NT5DC3: variants seen among roughly 807,000 people sequenced by gnomAD.
The protein encoded by NT5DC3 is 5'-nucleotidase domain containing 3, also known as 5'-nucleotidase domain-containing protein 3.
Under a neutral mutation model 67.8 loss-of-function variants are expected in NT5DC3, and 42 were observed. The observed-to-expected ratio is 0.62, with a 90% CI of 0.48 to 0.80. The LOEUF (loss-of-function observed/expected upper bound fraction) is 0.80, where lower values mean the gene tolerates loss of function less well. NT5DC3 is among the 30% of genes least tolerant of loss of function. The pLI, the probability that NT5DC3 is intolerant of heterozygous loss-of-function variation, is 0.00. For missense variants in NT5DC3, 570 were observed against 696.4 expected (o/e 0.82, Z 2.04); for synonymous variants, 237 against 255.6 (o/e 0.93, Z 0.69).
At chr12:103,803,156 AC>A (rs1886655562) in intron 4 of NT5DC3, among the ~76,000 whole-genome samples, 1 of 152,198 alleles carries the variant, frequency 6.6e-6, no homozygotes, top group Non-Finnish European at 1.5e-5. Context: ...CCCCACCCTC[AC>A]CACTGCAACA....
intron 1 of NT5DC3, among the ~76,000 whole-genome samples, chr12:103,825,175 TCCGA>T (rs1887640296): frequency 6.6e-6 from 1 of 152,302 alleles, no homozygotes; most frequent in East Asian, 1.9e-4. Flanking sequence ...TTGCATCGTC[TCCGA>T]GGAGAAGCAA....
intron 1 of NT5DC3, among the ~76,000 whole-genome samples, chr12:103,831,132 C>T (rs1055982868): frequency 1.3e-5 from 2 of 152,160 alleles, no homozygotes; most frequent in Non-Finnish European, 2.9e-5. Flanking sequence ...ATCCCCATAA[C>T]CCCCATGTGT....
At chr12:103,792,254 T>C (rs192339594) in intron 9 of NT5DC3, among the ~76,000 whole-genome samples, 1 of 152,234 alleles carries the variant, frequency 6.6e-6, no homozygotes, top group Non-Finnish European at 1.5e-5. Flanking sequence ...CCAAGCATTT[T>C]TGAGTCCCTG....
chr12:103,772,535 C>T lies in NT5DC3; in HGVS notation c.*5294G>A, dbSNP rs1440351839. 1 of 152,214 alleles carries T rather than the reference C, an allele frequency of 6.6e-6. No homozygotes were observed. Among genetic ancestry groups the T allele is most frequent in the African/African-American group, 2.4e-5 (1 of 41,428 alleles). The allele number at this position is 152,214 out of a possible 1,614,324, so 9.4% of individuals were successfully genotyped here. On this transcript the variant is annotated 3_prime_UTR_variant, in exon 14 of 14. Coordinates refer to ENST00000392876, the MANE Select transcript of NT5DC3 (RefSeq NM_001031701.3). ...GACTGAAAACACACAGAAGCACTGT[C>T]GCAGGTTGGGTTCCCCGAAAGCAGA...
chr12:103,749,839 CACAAAAAA>C, the NT5DC3 span, among the ~76,000 whole-genome samples: 1 of 18,262 alleles, frequency 5.5e-5, no homozygotes, highest in Non-Finnish European at 9.1e-5. Flanking sequence ...GACTCTGTCT[CACAAAAAA>C]AAAAAAAAAA....
the NT5DC3 span, chr12:103,748,916 T>C: frequency 6.3e-7 from 1 of 1,577,926 alleles, no homozygotes. Context: ...GAAGCCCTAG[T>C]TCCACAGAAG....
rs1441732120 is a variant in NT5DC3, at chr12:103,780,330, T to C, written c.1364A>G (p.Gln455Arg). The C allele has an allele frequency of 6.2e-7, 1 of 1,614,164 alleles. No individual in the cohort carries two copies. The highest frequency in any genetic ancestry group is 1.7e-5 in the Admixed American group (1 of 60,032). The change falls in exon 13 of 14, where the codon CAG becomes CGG. Residue 455 changes from glutamine to arginine, a missense_variant. By Grantham distance (43) the Gln-to-Arg change is conservative (BLOSUM62 1). Transcript: ENST00000392876. ...HRDAESQLVL[Q>R]EWKKERKEMR... is the part of the protein sequence containing the mutation. ...CTCCTTCCTTTCCTTTTTCCACTCC[T>C]GCAAAACCAGCTGTGACTCAGCATC...
rs1205491228 is a variant in NT5DC3 at position 103,787,219 on chromosome 12, TA to T, written c.1188+221del. Among the ~76,000 whole-genome samples, 3 of 149,752 alleles carry T rather than the reference TA, an allele frequency of 2.0e-5. No individual in the cohort carries two copies. In the East Asian group the frequency reaches 5.9e-4, roughly 29 times the overall value. On this transcript the variant is annotated intron_variant, in intron 11 of 13. Transcript: ENST00000392876. The stretch of plus-strand genomic sequence containing the variant: ...ACTTATTTCCATCATTTCCAAAAAA[TA>T]TTTATCTTTTTCACAACTCTGATCC...
At chr12:103,822,783 T>TA (rs1175248858) in intron 1 of NT5DC3, among the ~76,000 whole-genome samples, 2 of 152,242 alleles carry the variant, frequency 1.3e-5, no homozygotes, top group East Asian at 3.8e-4. Context: ...AAGAGTCTGT[T>TA]AAAAATATTC....
chr12:103,829,584 A>G (rs561792056), intron 1 of NT5DC3, among the ~76,000 whole-genome samples: 86 of 152,186 alleles, frequency 5.7e-4, no homozygotes, highest in African/African-American at 2.0e-3. Flanking sequence ...CTGATCTGAC[A>G]ATCTGTCTTT....
At chr12:103,800,371 G>A (rs769897020) in intron 4 of NT5DC3, among the ~76,000 whole-genome samples, 38 of 152,216 alleles carry the variant, frequency 2.5e-4, no homozygotes, top group Non-Finnish European at 2.2e-4. Flanking sequence ...CAGATCATTC[G>A]AGGCAGTGAC....
chr12:103,817,885 T>C (rs1887331070), intron 1 of NT5DC3, among the ~76,000 whole-genome samples: 1 of 152,196 alleles, frequency 6.6e-6, no homozygotes, highest in Admixed American at 6.5e-5. Flanking sequence ...GCACATAATA[T>C]ACTCATTCAC....
chr12:103,758,546 C>T, the NT5DC3 span, among the ~76,000 whole-genome samples: 1 of 152,206 alleles, frequency 6.6e-6, no homozygotes, highest in Non-Finnish European at 1.5e-5. Flanking sequence ...GGCGAGTTCT[C>T]AGGGCAATGG....
intron 9 of NT5DC3, among the ~76,000 whole-genome samples, chr12:103,790,476 A>G (rs1295861072): frequency 6.6e-6 from 1 of 151,712 alleles, no homozygotes; most frequent in African/African-American, 2.4e-5. Context: ...GGATTTCACC[A>G]TGTTGAACTC....
intron 11 of NT5DC3, among the ~76,000 whole-genome samples, chr12:103,786,509 T>C (rs2139317402): frequency 7.7e-6 from 1 of 130,400 alleles, no homozygotes; most frequent in East Asian, 2.2e-4. Flanking sequence ...TGGGCAACCA[T>C]AGGAACTCAG....
chr12:103,759,483 G>A, the NT5DC3 span, among the ~76,000 whole-genome samples: 27 of 152,334 alleles, frequency 1.8e-4, no homozygotes, highest in East Asian at 4.8e-3. Context: ...CTCAGAAGCT[G>A]GTTATGGGGA....
intron 6 of NT5DC3, 31 bp downstream of exon 6, chr12:103,796,863 C>G (rs1473968847): frequency 1.2e-6 from 2 of 1,612,850 alleles, no homozygotes; most frequent in African/African-American, 2.7e-5. Context: ...GAAACAGACT[C>G]AGCACTGTAA....
At chr12:103,778,560 A>G (rs956970755) in intron 13 of NT5DC3, among the ~76,000 whole-genome samples, 1 of 150,354 alleles carries the variant, frequency 6.7e-6, no homozygotes, top group Non-Finnish European at 1.5e-5. Context: ...AACAAAAAAA[A>G]CAGTCTGGCC....
intron 2 of NT5DC3, among the ~76,000 whole-genome samples, chr12:103,813,598 A>G (rs1887124423): frequency 6.6e-6 from 1 of 152,212 alleles, no homozygotes. Context: ...CTGCATTAAT[A>G]AAAGTACGGC....
Sources: allele counts gnomAD v4.1 joint callset (sites outside exome capture counted in the v4.1 genomes callset), GRCh38; gene constraint gnomAD v4.1.1; transcripts MANE v1.5; gene names NCBI Gene and HGNC (gene_info 2026-07-23, HGNC 2026-07-21).